Variants in ZSCAN20 observed in about 807,000 individuals in gnomAD.
ZSCAN20 encodes the protein zinc finger and SCAN domain-containing protein 20.
In ZSCAN20, 39 loss-of-function variants were observed where a neutral mutation model predicts 97.1. That is an observed-to-expected ratio of 0.40 (90% CI 0.31 to 0.52). ZSCAN20 has a LOEUF of 0.52. ZSCAN20 is among the 20% of genes least tolerant of loss of function. ZSCAN20 has a pLI of 0.49. For missense variants in ZSCAN20, 1,115 were observed against 1,290.4 expected, an observed-to-expected ratio of 0.86 and a Z score of 2.08; for synonymous variants, 456 against 467.3, an observed-to-expected ratio of 0.98 and a Z score of 0.31.
At position 33,493,954 on chromosome 1, in the gene ZSCAN20, G is replaced by A. The variant is rs1652729515; in HGVS notation, c.1874-264G>A. Among the ~76,000 whole-genome samples, 1 of 152,212 alleles carries A rather than the reference G, an allele frequency of 6.6e-6. No homozygotes were observed. The highest frequency in any genetic ancestry group is 1.5e-5 in the Non-Finnish European group (1 of 68,024). Reference sequence around the variant, plus strand: ...TTTGATGGGGAAACAGGTTGGCTGTGGCTGCTGGGCTGAGCCCCATGGCTC... The same window carrying A: ...TTTGATGGGGAAACAGGTTGGCTGTAGCTGCTGGGCTGAGCCCCATGGCTC... On this transcript the variant is annotated intron_variant, in intron 7 of 7. Transcript: ENST00000684572. The surrounding 1 kb of genome is among the most constrained non-coding windows in gnomAD (Gnocchi z 4.3).
Position 33,501,091 on chromosome 1 carries a change from G to A in ZSCAN20, c.*5615G>A, listed in dbSNP as rs1557453178. On this transcript the variant is annotated 3_prime_UTR_variant, in exon 8 of 8. Coordinates refer to ENST00000684572, the MANE Select transcript of ZSCAN20 (RefSeq NM_001377376.1). ...CTCCACTGCAGACTTCACCCAGGGGGCAAGGCAGGAGAGAATCCCTCTGTG... is the reference window on the plus strand; with the variant it reads ...CTCCACTGCAGACTTCACCCAGGGGACAAGGCAGGAGAGAATCCCTCTGTG... Among the ~76,000 whole-genome samples the A allele has an allele frequency of 6.6e-6, 1 of 152,180 alleles. No homozygotes were observed. Among genetic ancestry groups the A allele is most frequent in the Admixed American group, 6.5e-5 (1 of 15,282 alleles).
rs1340312864 is a variant in ZSCAN20 at position 33,493,963 on chromosome 1, G to T, written c.1874-255G>T. 6.6e-6 allele frequency among the ~76,000 whole-genome samples: 1 copy of T among 152,232 alleles called. No individual in the cohort carries two copies. The highest frequency in any genetic ancestry group is 2.4e-5 in the African/African-American group (1 of 41,464). On this transcript the variant is annotated intron_variant, in intron 7 of 7. Coordinates refer to ENST00000684572, the MANE Select transcript of ZSCAN20 (RefSeq NM_001377376.1). The surrounding 1 kb of genome is among the most constrained non-coding windows in gnomAD (Gnocchi z 4.3). ...GAAACAGGTTGGCTGTGGCTGCTGGGCTGAGCCCCATGGCTCACTTGGTGG... is the reference window on the plus strand; with the variant it reads ...GAAACAGGTTGGCTGTGGCTGCTGGTCTGAGCCCCATGGCTCACTTGGTGG...
At position 33,500,208 on chromosome 1, in the gene ZSCAN20, GC is replaced by G. The variant is rs1363618621; in HGVS notation, c.*4733del. Among the ~76,000 whole-genome samples, 1 of 152,104 alleles carries G rather than the reference GC, an allele frequency of 6.6e-6. No homozygotes were observed. The highest frequency in any genetic ancestry group is 2.4e-5 in the African/African-American group (1 of 41,404). On this transcript the variant is annotated 3_prime_UTR_variant, in exon 8 of 8. Transcript: ENST00000684572. The stretch of plus-strand genomic sequence containing the variant: ...CCAAATAAATGCATGTTTTCGGGGG[GC>G]AAAGGCAGGTTCCTTCCTTACCTTA...
chr1:33,490,841 C>T (rs376138548), intron 5 of ZSCAN20, among the ~76,000 whole-genome samples, 184 bp from the exon 6 acceptor site: 1 of 152,240 alleles, frequency 6.6e-6, no homozygotes, highest in East Asian at 1.9e-4. Flanking sequence ...GGTCACTTAA[C>T]ATTTCTCATA....
chr1:33,496,085 C>G lies in ZSCAN20; in HGVS notation c.*609C>G, dbSNP rs1652851610. The G allele has an allele frequency of 6.6e-6, 1 of 152,248 alleles. No homozygotes were observed. The highest frequency in any genetic ancestry group is 1.5e-5 in the Non-Finnish European group (1 of 68,044). 9.4% of individuals were successfully genotyped at this position (152,248 alleles called of 1,614,324 possible). Reference sequence around the variant, plus strand: ...CTTTGTATACATCATCTCATTTAATCTTCACAACGGCCCCAGGAGATAAGT... The same window carrying G: ...CTTTGTATACATCATCTCATTTAATGTTCACAACGGCCCCAGGAGATAAGT... On this transcript the variant is annotated 3_prime_UTR_variant, in exon 8 of 8. Coordinates refer to ENST00000684572, the MANE Select transcript of ZSCAN20 (RefSeq NM_001377376.1).
Position 33,495,586 on chromosome 1 carries a change from A to G in ZSCAN20, c.*110A>G. ...TTTAAGCTTGGTGTGTACCCAGGGA[A>G]GTTATCTTGGTATAAACCAGGTAAT... On this transcript the variant is annotated 3_prime_UTR_variant, in exon 8 of 8. Transcript: ENST00000684572. 1.9e-6 allele frequency: 2 copies of G among 1,059,948 alleles called. No individual in the cohort carries two copies. Among genetic ancestry groups the G allele is most frequent in the Non-Finnish European group, 2.5e-6 (2 of 796,320 alleles). 65.7% of individuals were successfully genotyped at this position (1,059,948 alleles called of 1,614,324 possible).
rs1652759073 is a variant in ZSCAN20 at position 33,494,446 on chromosome 1, A to G, written c.2102A>G (p.Gln701Arg). 1.9e-6 allele frequency: 3 copies of G among 1,613,828 alleles called. No individual in the cohort carries two copies. The highest frequency in any genetic ancestry group is 2.2e-5 in the South Asian group (2 of 91,058). ...GACTTAGAAAAACTTATTGACCATC[A>G]AGGCCTGTACCTTGCAGAGAAACCC... Reference protein sequence around the residue: ...EEDLEKLIDHQGLYLAEKPYK... With the variant: ...EEDLEKLIDHRGLYLAEKPYK... Residue 701 changes from glutamine (Q) to arginine (R), a missense_variant, in exon 8 of 8, where the codon CAA becomes CGA. By Grantham distance (43) the Gln-to-Arg change is conservative. Transcript: ENST00000684572.
At chr1:33,483,517 G>T (rs1262695215) in intron 2 of ZSCAN20, among the ~76,000 whole-genome samples, 1 of 151,418 alleles carries the variant, frequency 6.6e-6, no homozygotes, top group Non-Finnish European at 1.5e-5. Flanking sequence ...TATTGAGTTG[G>T]TTATTCCAGG....
chr1:33,479,582 G>T lies in ZSCAN20; in HGVS notation c.294G>T (p.Gln98His). ...EQILELLVLE[Q>H]FLTILPREVQ... ...TCCTGGAGCTGCTCGTGCTGGAGCA[G>T]TTCCTGACTATCTTGCCTAGGGAGG... The change falls in exon 2 of 8, where the codon CAG becomes CAT. Residue 98 changes from glutamine to histidine, a missense_variant. Physicochemically the swap from Gln to His is conservative, Grantham distance 24 (BLOSUM62 0). Around this residue, in one of 3 missense-constraint regions of ZSCAN20, gnomAD observed 508 missense variants for 611.2 expected, o/e 0.83. Coordinates refer to ENST00000684572, the MANE Select transcript of ZSCAN20 (RefSeq NM_001377376.1). 1 of 1,613,966 alleles carries T rather than the reference G, an allele frequency of 6.2e-7. No homozygotes were observed. Among genetic ancestry groups the T allele is most frequent in the Non-Finnish European group, 8.5e-7 (1 of 1,179,918 alleles).
At position 33,497,030 on chromosome 1, in the gene ZSCAN20, C is replaced by G. The variant is rs1652895440; in HGVS notation, c.*1554C>G. 6.6e-6 allele frequency among the ~76,000 whole-genome samples: 1 copy of G among 152,192 alleles called. No individual in the cohort carries two copies. Among genetic ancestry groups the G allele is most frequent in the African/African-American group, 2.4e-5 (1 of 41,432 alleles). On this transcript the variant is annotated 3_prime_UTR_variant, in exon 8 of 8. Coordinates refer to ENST00000684572, the MANE Select transcript of ZSCAN20 (RefSeq NM_001377376.1). ...AAAGGAAAATCCCCCTCCTGCCATC[C>G]TCTTATGACACTAGGATGTATTCAT... is the stretch of plus-strand genomic sequence containing the variant.
chr1:33,489,291 G>C, intron 4 of ZSCAN20, 100 bp downstream of exon 4: 1 of 1,302,962 alleles, frequency 7.7e-7, no homozygotes, highest in South Asian at 1.3e-5. Flanking sequence ...CTCAGCAAAA[G>C]GGCATGAGGC....
chr1:33,489,220 G>C (rs779595723), intron 4 of ZSCAN20, 29 bp downstream of exon 4: 11 of 1,603,890 alleles, frequency 6.9e-6, no homozygotes, highest in Non-Finnish European at 9.4e-6. Flanking sequence ...TTCCTTTCCT[G>C]TCATTGCTGC....
chr1:33,490,168 G>A (rs1349598130), intron 5 of ZSCAN20, among the ~76,000 whole-genome samples: 1 of 152,186 alleles, frequency 6.6e-6, no homozygotes, highest in African/African-American at 2.4e-5. Flanking sequence ...TGATAGGCCT[G>A]ACTCATGGTA....
rs1248497780 is a variant in ZSCAN20, at chr1:33,496,859, C to T, written c.*1383C>T. On this transcript the variant is annotated 3_prime_UTR_variant, in exon 8 of 8. Coordinates refer to ENST00000684572, the MANE Select transcript of ZSCAN20 (RefSeq NM_001377376.1). ...GCCCAGGGCTTTCTGTATGTTGACC[C>T]TTAAGACTCACCTCCCACATGGACA... 6.6e-6 allele frequency among the ~76,000 whole-genome samples: 1 copy of T among 152,206 alleles called. No individual in the cohort carries two copies. Among genetic ancestry groups the T allele is most frequent in the Non-Finnish European group, 1.5e-5 (1 of 68,038 alleles).
rs1653010821 is a variant in ZSCAN20 at position 33,500,018 on chromosome 1, G to C, written c.*4542G>C. The stretch of plus-strand genomic sequence containing the variant: ...AGTGCAGGGAAGGCTTTACAGGAGA[G>C]GAGGGAGTTGAAATGGGCCTGGAGG... On this transcript the variant is annotated 3_prime_UTR_variant, in exon 8 of 8. Transcript: ENST00000684572. Among the ~76,000 whole-genome samples the C allele has an allele frequency of 6.6e-6, 1 of 152,176 alleles. No individual in the cohort carries two copies. Among genetic ancestry groups the C allele is most frequent in the Non-Finnish European group, 1.5e-5 (1 of 68,038 alleles).
chr1:33,495,502 A>T lies in ZSCAN20; in HGVS notation c.*26A>T. The T allele has an allele frequency of 6.7e-7, 1 of 1,495,640 alleles. No individual in the cohort carries two copies. The highest frequency in any genetic ancestry group is 8.9e-7 in the Non-Finnish European group (1 of 1,121,340). 92.6% of individuals were successfully genotyped at this position (1,495,640 alleles called of 1,614,324 possible). A position where few individuals can be genotyped will look rare whatever the true frequency, so the allele number is the denominator to read the frequency against. On this transcript the variant is annotated 3_prime_UTR_variant, in exon 8 of 8. Transcript: ENST00000684572. ...GGGACAGTTTCCTCAACAACAAAGGAGGACTCAATGTATATATCTTATATC... is the reference window on the plus strand; with the variant it reads ...GGGACAGTTTCCTCAACAACAAAGGTGGACTCAATGTATATATCTTATATC...
At chr1:33,487,172 G>A (rs578077790) in intron 2 of ZSCAN20, among the ~76,000 whole-genome samples, 3 of 152,260 alleles carry the variant, frequency 2.0e-5, no homozygotes, top group Non-Finnish European at 2.9e-5. Flanking sequence ...GGAAAAGAAC[G>A]GGGTCGATGG....
chr1:33,493,703 C>T lies in ZSCAN20; in HGVS notation c.1873+88C>T. The T allele has an allele frequency of 1.5e-6, 2 of 1,354,176 alleles. No homozygotes were observed. The highest frequency in any genetic ancestry group is 2.0e-6 in the Non-Finnish European group (2 of 1,002,318). 83.9% of individuals were successfully genotyped at this position (1,354,176 alleles called of 1,614,324 possible). A position where few individuals can be genotyped will look rare whatever the true frequency, so the allele number is the denominator to read the frequency against. On this transcript the variant is annotated intron_variant, in intron 7 of 7. Coordinates refer to ENST00000684572, the MANE Select transcript of ZSCAN20 (RefSeq NM_001377376.1). The surrounding 1 kb of genome is among the most constrained non-coding windows in gnomAD (Gnocchi z 4.3). ...AGGCTCATTATCTTTTGTCTCTTAA[C>T]TAAAAGAGAGAATGGGATTGAATGG...
chr1:33,478,827 T>C (rs185493969), intron 1 of ZSCAN20, among the ~76,000 whole-genome samples: 1 of 152,278 alleles, frequency 6.6e-6, no homozygotes, highest in African/African-American at 2.4e-5. Context: ...AGGTGTGGGA[T>C]GCCAGGCTAA....
Sources: gnomAD v4.1 joint callset for allele counts (sites outside exome capture counted in the v4.1 genomes callset) on GRCh38, gnomAD v4.1.1 for gene constraint, gnomAD v4.1.1 regional missense constraint, Gnocchi (gnomAD v3.1) non-coding constraint, MANE v1.5 for transcripts, NCBI Gene and HGNC (gene_info 2026-07-23, HGNC 2026-07-21) for gene names.